MYH11: variants seen among roughly 807,000 people sequenced by gnomAD.
The protein encoded by MYH11 is myosin heavy chain 11, also known as myosin-11.
In MYH11, 80 loss-of-function variants were observed where a neutral mutation model predicts 246.6. The ratio of observed to expected loss-of-function variants is 0.32; its 90% CI spans 0.27 to 0.39. The LOEUF is 0.39. Among genes scored for constraint, MYH11 ranks in the 10% least tolerant of loss-of-function variants. The pLI, the probability that MYH11 is intolerant of heterozygous loss-of-function variation, is 1.00. For synonymous variants in MYH11, 1,071 were observed against 1,015.5 expected (o/e 1.05, Z -1.04); for missense variants, 2,158 against 2,546.8 (o/e 0.85, Z 3.29).
intron 2 of MYH11, among the ~76,000 whole-genome samples, chr16:15,833,095 G>A (rs1004850873): frequency 2.6e-5 from 4 of 151,130 alleles, no homozygotes; most frequent in African/African-American, 7.3e-5. Flanking sequence ...TCAGGAGTTC[G>A]AGATCTGTTT....
intron 6 of MYH11, among the ~76,000 whole-genome samples, chr16:15,780,474 CTTTTTTTTTTTTT>C (rs71134460): frequency 1.4e-5 from 1 of 69,002 alleles, no homozygotes; most frequent in African/African-American, 6.1e-5. Context: ...GATTTTTACG[CTTTTTTTTTTTTT>C]TTTTTTTTTT....
Position 15,717,052 on chromosome 16 carries a change from A to T in MYH11, c.5504+88T>A. On this transcript the variant is annotated intron_variant, in intron 38 of 40. Transcript: ENST00000300036. Reference sequence around the variant, plus strand: ...GCTTGCTTCTTACAAGCCAGAACTGATGCTGGAAGAGGTTCCCTGACTTCA... The same window carrying T: ...GCTTGCTTCTTACAAGCCAGAACTGTTGCTGGAAGAGGTTCCCTGACTTCA... 2.9e-6 allele frequency: 4 copies of T among 1,387,566 alleles called. No homozygotes were observed. In the South Asian group the frequency reaches 4.6e-5, roughly 16 times the overall value. 86.0% of individuals were successfully genotyped at this position (1,387,566 alleles called of 1,614,324 possible).
chr16:15,724,835 C>A (rs1336163869), intron 29 of MYH11, 36 bp from the exon 30 acceptor site: 1 of 1,613,604 alleles, frequency 6.2e-7, no homozygotes, highest in Non-Finnish European at 8.5e-7. Flanking sequence ...CAGGGACCTG[C>A]CCCGAGGAAG....
In MYH11 at chr16:15,804,765, C is replaced by T. The variant is rs531885684; in HGVS notation, c.503-6078G>A. Reference sequence around the variant, plus strand: ...TGCATAAATGGAATTATAACATGTGCGGCCTTTCATGTCTGACTTCTTTCA... The same window carrying T: ...TGCATAAATGGAATTATAACATGTGTGGCCTTTCATGTCTGACTTCTTTCA... On this transcript the variant is annotated intron_variant, in intron 3 of 40. Transcript: ENST00000300036. Among the ~76,000 whole-genome samples, 8 of 152,250 alleles carry T rather than the reference C, an allele frequency of 5.3e-5. No individual in the cohort carries two copies. In the East Asian group the frequency reaches 5.8e-4, roughly 11 times the overall value.
At position 15,735,410 on chromosome 16, in the gene MYH11, C is replaced by T. The variant is rs1555556543; in HGVS notation, c.3462G>A (p.Glu1154=). Residue 1154 remains glutamate (E), a synonymous_variant, in exon 26 of 41, where the codon GAG becomes GAA. Transcript: ENST00000300036. ...CTGTGCTGTCCAGTGTGTCTTCCAG[C>T]TCTGTCTTTAGGGCCTCCAGCTCCT... is the stretch of plus-strand genomic sequence containing the variant. ...LGEELEALKT[E]LEDTLDSTAT... is the part of the protein sequence containing the mutation. 3.1e-6 allele frequency: 5 copies of T among 1,614,070 alleles called. No homozygotes were observed. The highest frequency in any genetic ancestry group is 4.2e-6 in the Non-Finnish European group (5 of 1,180,032).
At chr16:15,765,245 G>C (rs145850019) in intron 9 of MYH11, among the ~76,000 whole-genome samples, 3 of 152,184 alleles carry the variant, frequency 2.0e-5, no homozygotes, top group Non-Finnish European at 4.4e-5. Context: ...AATGATGGAC[G>C]GATGAGTAGA....
At chr16:15,720,122 C>T (rs2040387350) in intron 34 of MYH11, 29 bp downstream of exon 34, 1 of 1,614,042 alleles carries the variant, frequency 6.2e-7, no homozygotes, top group East Asian at 2.2e-5. Flanking sequence ...CTCCCTCCAC[C>T]CATGCCCCAA....
chr16:15,852,160 C>T (rs760284066), intron 1 of MYH11, among the ~76,000 whole-genome samples: 17 of 152,002 alleles, frequency 1.1e-4, no homozygotes, highest in African/African-American at 4.8e-5. Context: ...CTAGGTTGTA[C>T]GTTCCTTATG....
chr16:15,793,473 T>C (rs758984829), intron 4 of MYH11, among the ~76,000 whole-genome samples: 4 of 152,050 alleles, frequency 2.6e-5, no homozygotes, highest in Admixed American at 6.6e-5. Flanking sequence ...TTAAATTTTT[T>C]GTAGTAATGG....
intron 25 of MYH11, among the ~76,000 whole-genome samples, chr16:15,735,961 T>G (rs2041105839): frequency 6.6e-6 from 1 of 152,232 alleles, no homozygotes; most frequent in Admixed American, 6.5e-5. Context: ...CTTTCTGCAT[T>G]TGCTCAGTGA....
intron 1 of MYH11, among the ~76,000 whole-genome samples, chr16:15,839,187 G>A (rs779257958): frequency 6.6e-6 from 1 of 152,014 alleles, no homozygotes. Context: ...TCCAGCCTGG[G>A]TGACAGAGTG....
intron 4 of MYH11, among the ~76,000 whole-genome samples, chr16:15,795,040 A>C (rs1427706258): frequency 6.6e-6 from 1 of 152,218 alleles, no homozygotes; most frequent in African/African-American, 2.4e-5. Context: ...GAAGTGGCTC[A>C]TGCCTGTAAT....
intron 2 of MYH11, among the ~76,000 whole-genome samples, chr16:15,831,045 G>A (rs964109447): frequency 2.0e-5 from 3 of 152,086 alleles, no homozygotes; most frequent in East Asian, 1.9e-4. Context: ...GGTAGTACAC[G>A]CCTGTAGTCT....
intron 10 of MYH11, 51 bp downstream of exon 10, chr16:15,763,745 C>CA: frequency 1.6e-5 from 9 of 568,182 alleles, no homozygotes; most frequent in South Asian, 2.9e-5. Flanking sequence ...GTCACCTCCC[C>CA]CACCCCCCCA....
Position 15,724,100 on chromosome 16 carries a change from C to T in MYH11, c.4365+61G>A. The T allele has an allele frequency of 5.6e-6, 9 of 1,608,278 alleles. No homozygotes were observed. The South Asian group carries it at 6.6e-5, about 12-fold the overall frequency. ...GGCCAGAGCCACGCGTCATACTCTG[C>T]AGAGCTGATTCCCCAACCCAGCGTC... On this transcript the variant is annotated intron_variant, in intron 31 of 40. Coordinates refer to ENST00000300036, the MANE Select transcript of MYH11 (RefSeq NM_002474.3).
chr16:15,713,505 G>T, intron 40 of MYH11: 1 of 152,330 alleles, frequency 6.6e-6, no homozygotes. Flanking sequence ...AGTGGGTTTT[G>T]GGTTTTTTGA....
intron 6 of MYH11, among the ~76,000 whole-genome samples, chr16:15,780,176 G>A (rs1234670339): frequency 6.6e-6 from 1 of 152,144 alleles, no homozygotes; most frequent in Non-Finnish European, 1.5e-5. Flanking sequence ...GCACAGAATT[G>A]GAACATGCAA....
intron 36 of MYH11, 33 bp from the exon 37 acceptor site, chr16:15,718,471 A>C (rs770700309): frequency 2.1e-5 from 32 of 1,536,470 alleles, no homozygotes; most frequent in Non-Finnish European, 2.1e-5. Context: ...GGGGGCCTCT[A>C]CCCTCCCCCG....
intron 40 of MYH11, chr16:15,714,337 A>G (rs1181846541): frequency 6.1e-6 from 1 of 164,532 alleles, no homozygotes; most frequent in Non-Finnish European, 1.3e-5. Flanking sequence ...ATCTAGAGAC[A>G]TTTTTGGTTG....
Sources: allele counts gnomAD v4.1 joint callset (sites outside exome capture counted in the v4.1 genomes callset), GRCh38; gene constraint gnomAD v4.1.1; transcripts MANE v1.5; gene names NCBI Gene and HGNC (gene_info 2026-07-23, HGNC 2026-07-21).